Variants in MGMT observed in about 807,000 individuals in gnomAD.
MGMT encodes methylated-DNA--protein-cysteine methyltransferase.
A neutral mutation model predicts 15.9 loss-of-function variants in MGMT; 14 were observed. The ratio of observed to expected loss-of-function variants is 0.88; its 90% CI spans 0.58 to 1.37. The LOEUF is 1.37. Among genes scored for constraint, MGMT ranks in the 40% most tolerant of loss-of-function variants. The pLI, the probability that MGMT is intolerant of heterozygous loss-of-function variation, is 0.00. For missense variants in MGMT, 282 were observed against 268.1 expected (o/e 1.05, Z -0.36); for synonymous variants, 130 against 118.2 (o/e 1.10, Z -0.65).
At chr10:129,652,564 G>T (rs541251618) in intron 2 of MGMT, among the ~76,000 whole-genome samples, 2 of 152,374 alleles carry the variant, frequency 1.3e-5, no homozygotes, top group South Asian at 2.1e-4. Flanking sequence ...GGGAGGAGGG[G>T]AGCAAGAAAG....
intron 2 of MGMT, among the ~76,000 whole-genome samples, chr10:129,575,238 T>C (rs12781299): frequency 0.1 from 15,313 of 152,150 alleles, 852 homozygotes; most frequent in African/African-American, 0.14. Flanking sequence ...TACTTTTTTT[T>C]CAGCACCACA....
At chr10:129,504,955 A>T (rs1460405086) in intron 1 of MGMT, among the ~76,000 whole-genome samples, 1 of 152,116 alleles carries the variant, frequency 6.6e-6, no homozygotes, top group Non-Finnish European at 1.5e-5. Flanking sequence ...TTGGTAATAA[A>T]GTTTGTAGTA....
At chr10:129,610,427 A>AGG (rs1846945792) in intron 2 of MGMT, among the ~76,000 whole-genome samples, 3 of 152,046 alleles carry the variant, frequency 2.0e-5, no homozygotes, top group Non-Finnish European at 4.4e-5. Flanking sequence ...AGTATGCCCC[A>AGG]CCCCAGGGCC....
intron 2 of MGMT, among the ~76,000 whole-genome samples, chr10:129,613,934 T>G (rs1846991471): frequency 6.6e-6 from 1 of 152,218 alleles, no homozygotes; most frequent in African/African-American, 2.4e-5. Context: ...CATTTTGGTT[T>G]TTAAAATTAT....
chr10:129,603,072 CA>C (rs1846843675), intron 2 of MGMT, among the ~76,000 whole-genome samples: 2 of 152,166 alleles, frequency 1.3e-5, no homozygotes, highest in Admixed American at 6.5e-5. Context: ...AATATTTTTG[CA>C]AACTCATATA....
rs962452352 is a variant in MGMT at position 129,541,942 on chromosome 10, A to G, written c.125+5565A>G. On this transcript the variant is annotated intron_variant, in intron 2 of 4. Coordinates refer to ENST00000651593, the MANE Select transcript of MGMT (RefSeq NM_002412.5). The stretch of plus-strand genomic sequence containing the variant: ...GCAGGTTGGCCCTGACCCTCTTCTG[A>G]GCACCTGGCTGGCTGGACAGATAGG... Among the ~76,000 whole-genome samples the G allele has an allele frequency of 2.6e-5, 4 of 152,012 alleles. No individual in the cohort carries two copies. In the East Asian group the frequency reaches 7.7e-4, roughly 29 times the overall value.
chr10:129,702,422 G>A (rs952091626), intron 2 of MGMT, among the ~76,000 whole-genome samples: 9 of 152,178 alleles, frequency 5.9e-5, no homozygotes, highest in African/African-American at 1.4e-4. Context: ...TATTTGCCTC[G>A]GGATTATTCT....
chr10:129,635,871 A>T (rs1318347201), intron 2 of MGMT, among the ~76,000 whole-genome samples: 4 of 152,170 alleles, frequency 2.6e-5, no homozygotes, highest in Non-Finnish European at 4.4e-5. Flanking sequence ...TGAGAATAAG[A>T]CAGATTCTCC....
At chr10:129,605,380 G>A (rs1331901027) in intron 2 of MGMT, among the ~76,000 whole-genome samples, 4 of 152,092 alleles carry the variant, frequency 2.6e-5, no homozygotes, top group Non-Finnish European at 5.9e-5. Flanking sequence ...TGACTGTTGA[G>A]GGCACATTAA....
chr10:129,562,051 G>A (rs1007433875), intron 2 of MGMT, among the ~76,000 whole-genome samples: 12 of 152,168 alleles, frequency 7.9e-5, no homozygotes, highest in Admixed American at 1.3e-4. Flanking sequence ...AGGAAAATGT[G>A]TGAACAGCGC....
chr10:129,536,489 C>CTGT, intron 2 of MGMT, 112 bp downstream of exon 2: 1 of 1,317,852 alleles, frequency 7.6e-7, no homozygotes, highest in Non-Finnish European at 1.0e-6. Context: ...AGCCTTACCC[C>CTGT]CACAACCGCA....
intron 1 of MGMT, among the ~76,000 whole-genome samples, chr10:129,494,724 C>T (rs750565598): frequency 1.3e-5 from 2 of 152,210 alleles, no homozygotes; most frequent in Non-Finnish European, 2.9e-5. Context: ...TGCGTATGGA[C>T]ACTGCCAGTC....
At chr10:129,668,305 C>T (rs986436037) in intron 2 of MGMT, among the ~76,000 whole-genome samples, 3 of 151,776 alleles carry the variant, frequency 2.0e-5, no homozygotes, top group Non-Finnish European at 4.4e-5. Flanking sequence ...AAAGAATAAC[C>T]TTTAGAAGTA....
intron 2 of MGMT, among the ~76,000 whole-genome samples, chr10:129,643,842 A>T (rs902048435): frequency 2.6e-5 from 4 of 152,182 alleles, no homozygotes; most frequent in African/African-American, 9.7e-5. Context: ...CTTTTGAGAA[A>T]TTCGACAGAG....
At chr10:129,530,888 GGT>G (rs1845923858) in intron 1 of MGMT, among the ~76,000 whole-genome samples, 1 of 152,178 alleles carries the variant, frequency 6.6e-6, no homozygotes, top group South Asian at 2.1e-4. Context: ...TCTCTGTGTA[GGT>G]GTCAGTTTCT....
chr10:129,662,218 A>G (rs1847605769), intron 2 of MGMT, among the ~76,000 whole-genome samples: 1 of 152,208 alleles, frequency 6.6e-6, no homozygotes, highest in Non-Finnish European at 1.5e-5. Flanking sequence ...GAGTAAGATC[A>G]TGCCCTACTG....
At chr10:129,590,762 A>G (rs552540532) in intron 2 of MGMT, among the ~76,000 whole-genome samples, 34 of 152,328 alleles carry the variant, frequency 2.2e-4, no homozygotes, top group African/African-American at 7.2e-4. Flanking sequence ...GTTTACTGGC[A>G]CTTTAAATGC....
intron 2 of MGMT, among the ~76,000 whole-genome samples, chr10:129,687,641 T>A (rs1306128090): frequency 6.6e-6 from 1 of 152,020 alleles, no homozygotes; most frequent in Non-Finnish European, 1.5e-5. Flanking sequence ...ACTGTGCATG[T>A]GTCAGGGGAC....
chr10:129,714,485 A>G (rs1414048361), intron 3 of MGMT, among the ~76,000 whole-genome samples: 2 of 152,262 alleles, frequency 1.3e-5, no homozygotes, highest in East Asian at 3.9e-4. Flanking sequence ...AGTTCATTCA[A>G]TGGGGTTGGG....
Sources: allele counts gnomAD v4.1 joint callset (sites outside exome capture counted in the v4.1 genomes callset), GRCh38; gene constraint gnomAD v4.1.1; transcripts MANE v1.5; gene names NCBI Gene and HGNC (gene_info 2026-07-23, HGNC 2026-07-21).